Variants in SFMBT2 observed in about 807,000 individuals in gnomAD.
SFMBT2 encodes the protein scm-like with four MBT domains protein 2.
A neutral mutation model predicts 110.1 loss-of-function variants in SFMBT2; 38 were observed. That is an observed-to-expected ratio of 0.35 (90% CI 0.27 to 0.45). The LOEUF is 0.45. Ranked by LOEUF, SFMBT2 falls within the 20% of genes least tolerant of loss-of-function variation. SFMBT2 has a pLI of 1.00. For synonymous variants in SFMBT2, 425 were observed against 425.4 expected (o/e 1.00, Z 0.01); for missense variants, 1,011 against 1,094.9 (o/e 0.92, Z 1.08).
chr10:7,180,325 G>C (rs748175548), intron 16 of SFMBT2, among the ~76,000 whole-genome samples: 2 of 148,976 alleles, frequency 1.3e-5, no homozygotes, highest in Admixed American at 1.3e-4. Flanking sequence ...TTTTAGTAGA[G>C]ATGGGGTTTT....
At chr10:7,165,277 A>G (rs1156550491) in intron 20 of SFMBT2, among the ~76,000 whole-genome samples, 1 of 152,212 alleles carries the variant, frequency 6.6e-6, no homozygotes, top group Non-Finnish European at 1.5e-5. Context: ...TAGCCAAGCA[A>G]AAGCACAAGA....
intron 11 of SFMBT2, chr10:7,207,696 A>C: frequency 4.0e-6 from 3 of 755,206 alleles, no homozygotes; most frequent in Non-Finnish European, 4.8e-6. Context: ...CCAAACACAA[A>C]ATGGTCCTAA....
chr10:7,392,236 T>G (rs1410648730), intron 1 of SFMBT2, among the ~76,000 whole-genome samples: 1 of 152,096 alleles, frequency 6.6e-6, no homozygotes, highest in African/African-American at 2.4e-5. Context: ...GTATCCTGCC[T>G]GGGTGCGGTG....
chr10:7,162,510 T>C lies in SFMBT2; in HGVS notation c.*1260A>G, dbSNP rs950465265. 9 of 152,368 alleles carry C rather than the reference T, an allele frequency of 5.9e-5. No individual in the cohort carries two copies. The highest frequency in any genetic ancestry group is 3.4e-3 in the Middle Eastern group (1 of 294). The allele number at this position is 152,368 out of a possible 1,614,324, so 9.4% of individuals were successfully genotyped here. A position where few individuals can be genotyped will look rare whatever the true frequency, so the allele number is the denominator to read the frequency against. On this transcript the variant is annotated 3_prime_UTR_variant, in exon 21 of 21. Coordinates refer to ENST00000397167, the MANE Select transcript of SFMBT2 (RefSeq NM_001387889.1). ...CCTGCTGCATCATGCCTGGTTCATA[T>C]GCTGCCAGCTAGGGCAGAACGAGAC...
intron 1 of SFMBT2, among the ~76,000 whole-genome samples, chr10:7,387,690 G>C (rs1360292133): frequency 6.6e-6 from 1 of 151,890 alleles, no homozygotes; most frequent in East Asian, 1.9e-4. Context: ...CAGCACTTTG[G>C]GAGGCTGAAG....
chr10:7,352,540 G>A (rs1036533922), intron 4 of SFMBT2, among the ~76,000 whole-genome samples: 1 of 152,032 alleles, frequency 6.6e-6, no homozygotes, highest in South Asian at 2.1e-4. Context: ...GGCTTAGACA[G>A]ACACATTTTT....
At chr10:7,215,073 G>A (rs1051961156) in intron 11 of SFMBT2, among the ~76,000 whole-genome samples, 2 of 152,190 alleles carry the variant, frequency 1.3e-5, no homozygotes, top group South Asian at 2.1e-4. Context: ...TTCTAAATAG[G>A]AGGAAAAGTG....
intron 17 of SFMBT2, among the ~76,000 whole-genome samples, chr10:7,173,340 G>A (rs1189239258): frequency 1.3e-5 from 2 of 152,186 alleles, no homozygotes; most frequent in Non-Finnish European, 2.9e-5. Context: ...AATCTTGAGC[G>A]ACTGGTCAGT....
chr10:7,270,880 AT>A (rs1841555870), intron 7 of SFMBT2, among the ~76,000 whole-genome samples: 1 of 152,172 alleles, frequency 6.6e-6, no homozygotes, highest in South Asian at 2.1e-4. Flanking sequence ...GAATTAGTTA[AT>A]TTTTAATTAC....
chr10:7,220,334 C>T (rs1839684402), intron 11 of SFMBT2, 77 bp downstream of exon 11: 3 of 1,233,894 alleles, frequency 2.4e-6, no homozygotes, highest in Non-Finnish European at 3.5e-6. Flanking sequence ...CTGAGAAGGG[C>T]TGCTTTCCTC....
rs59239303 is a variant in SFMBT2, at chr10:7,384,211, CAAAAAAAA to C, written c.-51-2270_-51-2263del. ...AGGCAACAAGAGCAAAACTCCATCTCAAAAAAAAAAAAAAAAAAAAAAAAAAACAACCA... is the reference window on the plus strand; with the variant it reads ...AGGCAACAAGAGCAAAACTCCATCTCAAAAAAAAAAAAAAAAAAACAACCA... On this transcript the variant is annotated intron_variant, in intron 1 of 20. Coordinates refer to ENST00000397167, the MANE Select transcript of SFMBT2 (RefSeq NM_001387889.1). Among the ~76,000 whole-genome samples the C allele has an allele frequency of 2.5e-4, 7 of 27,978 alleles. No homozygotes were observed. The East Asian group carries it at 9.1e-3, about 37-fold the overall frequency. The allele number at this position is 27,978 out of a possible 152,430, so 18.4% of individuals were successfully genotyped here.
intron 4 of SFMBT2, among the ~76,000 whole-genome samples, chr10:7,347,744 A>G (rs1844163805): frequency 6.6e-6 from 1 of 152,168 alleles, no homozygotes; most frequent in Non-Finnish European, 1.5e-5. Context: ...TTTGATCTAA[A>G]CATACTGTAC....
chr10:7,370,795 G>A, intron 2 of SFMBT2: 1 of 974,524 alleles, frequency 1.0e-6, no homozygotes, highest in Non-Finnish European at 1.2e-6. Context: ...ACAGAGAACA[G>A]CACTAATTGT....
At chr10:7,378,808 G>A (rs1845345189) in intron 2 of SFMBT2, among the ~76,000 whole-genome samples, 1 of 150,952 alleles carries the variant, frequency 6.6e-6, no homozygotes, top group Non-Finnish European at 1.5e-5. Flanking sequence ...GCTGTGGGGT[G>A]GGCGTGAGTG....
At chr10:7,277,045 ACT>A (rs1841803317) in intron 6 of SFMBT2, 56 bp from the exon 7 acceptor site, 4 of 814,224 alleles carry the variant, frequency 4.9e-6, no homozygotes, top group African/African-American at 1.7e-5. Context: ...CTGCCGGGTG[ACT>A]CTTTCCTGCA....
At chr10:7,348,234 G>A (rs1043721745) in intron 4 of SFMBT2, 64 of 1,450,982 alleles carry the variant, frequency 4.4e-5, no homozygotes, top group South Asian at 1.3e-4. Context: ...GTGTGGGATC[G>A]GGGAGTTGTT....
At chr10:7,275,780 C>T (rs1267364926) in intron 7 of SFMBT2, among the ~76,000 whole-genome samples, 5 of 152,188 alleles carry the variant, frequency 3.3e-5, no homozygotes, top group Non-Finnish European at 7.4e-5. Context: ...CAATGATTTG[C>T]CACAGCTGCT....
chr10:7,214,442 G>A, intron 11 of SFMBT2: 1 of 531,346 alleles, frequency 1.9e-6, no homozygotes, highest in African/African-American at 2.1e-5. Flanking sequence ...TCAGATAAAT[G>A]GGAAGATGCC....
At chr10:7,336,426 T>C (rs758214898) in intron 4 of SFMBT2, among the ~76,000 whole-genome samples, 1 of 152,204 alleles carries the variant, frequency 6.6e-6, no homozygotes, top group Non-Finnish European at 1.5e-5. Context: ...GTTTTATTTA[T>C]CTTGCATCAT....
Sources: allele counts gnomAD v4.1 joint callset (sites outside exome capture counted in the v4.1 genomes callset), GRCh38; gene constraint gnomAD v4.1.1; transcripts MANE v1.5; gene names NCBI Gene and HGNC (gene_info 2026-07-23, HGNC 2026-07-21).